The following MRTFB variants were observed in gnomAD, a reference collection of about 807,000 sequenced individuals.
The protein encoded by MRTFB is myocardin related transcription factor B, also known as myocardin-related transcription factor B.
MRTFB carries 29 observed loss-of-function variants against 104.2 expected under a neutral mutation model. That is an observed-to-expected ratio of 0.28 (90% confidence interval 0.21 to 0.38). The LOEUF (loss-of-function observed/expected upper bound fraction) is 0.38, where lower values mean the gene tolerates loss of function less well. MRTFB is among the 10% of genes least tolerant of loss of function. The probability of loss-of-function intolerance (pLI) is 1.00; values close to 1 mark genes in which losing one functional copy is unlikely to be tolerated. For missense variants in MRTFB, 1,270 were observed against 1,341.6 expected (o/e 0.95, Z 0.83); for synonymous variants, 535 against 519.5 (o/e 1.03, Z -0.41).
intron 3 of MRTFB, chr16:14,200,706 C>T (rs2040658011): frequency 6.5e-7 from 1 of 1,531,338 alleles, no homozygotes; most frequent in South Asian, 1.1e-5. Context: ...GAGAATGAAA[C>T]TGTGTCAGAG....
intron 2 of MRTFB, among the ~76,000 whole-genome samples, chr16:14,117,201 CT>C (rs1167839398): frequency 1.3e-4 from 20 of 152,330 alleles, no homozygotes; most frequent in Admixed American, 9.8e-4. Context: ...CTGCTGGAGG[CT>C]GCCTTAGAAT....
chr16:14,095,552 G>A (rs1216793355), intron 2 of MRTFB, among the ~76,000 whole-genome samples: 1 of 152,206 alleles, frequency 6.6e-6, no homozygotes, highest in African/African-American at 2.4e-5. Flanking sequence ...GCAATAATTG[G>A]CAGTGCAGGT....
At chr16:14,013,937 G>A in the MRTFB span, among the ~76,000 whole-genome samples, 3 of 152,198 alleles carry the variant, frequency 2.0e-5, no homozygotes, top group East Asian at 1.9e-4. Context: ...CACCTCCCAC[G>A]CCTGAACAAC....
chr16:13,997,792 CAAA>C, the MRTFB span, among the ~76,000 whole-genome samples: 6 of 90,726 alleles, frequency 6.6e-5, no homozygotes, highest in Admixed American at 2.8e-4. Context: ...GACCCTATCT[CAAA>C]AAAAAAAAAA....
chr16:14,111,843 AAC>A lies in MRTFB; in HGVS notation c.-63-28697_-63-28696del, dbSNP rs374697380. 3.6e-3 allele frequency among the ~76,000 whole-genome samples: 543 copies of A among 152,216 alleles called. 2 individuals carry two copies. The highest frequency in any genetic ancestry group is 0.012 in the African/African-American group (507 of 41,524). On this transcript the variant is annotated intron_variant, in intron 2 of 16. Transcript: ENST00000571589. Reference sequence around the variant, plus strand: ...GATGGCTTTGCTTCCAAATGCTGAAAACACAGAAGGAATGAGAAGAGAACATC... The same window carrying A: ...GATGGCTTTGCTTCCAAATGCTGAAAACAGAAGGAATGAGAAGAGAACATC...
chr16:14,062,736 A>G, the MRTFB span, among the ~76,000 whole-genome samples: 1 of 152,162 alleles, frequency 6.6e-6, no homozygotes, highest in African/African-American at 2.4e-5. Context: ...ACTTGAGGCT[A>G]AGCTTCTAGG....
chr16:14,174,125 C>G (rs1203928953), intron 3 of MRTFB, among the ~76,000 whole-genome samples: 1 of 151,882 alleles, frequency 6.6e-6, no homozygotes, highest in Admixed American at 6.6e-5. Flanking sequence ...GATGTATTCA[C>G]TATCATCAGT....
chr16:14,169,526 T>C (rs2039355570), intron 3 of MRTFB, among the ~76,000 whole-genome samples: 1 of 152,240 alleles, frequency 6.6e-6, no homozygotes, highest in South Asian at 2.1e-4. Context: ...ATTTGTCAAA[T>C]ACATGTTTTA....
rs1408320834 is a variant in MRTFB, at chr16:14,266,489, T to C, written c.*5045T>C. On this transcript the variant is annotated 3_prime_UTR_variant, in exon 17 of 17. Transcript: ENST00000571589. Reference sequence around the variant, plus strand: ...TTTAATCAACAAAAAATTATGGCAATCGGGGGTCCATTCATCTATTGCCTT... The same window carrying C: ...TTTAATCAACAAAAAATTATGGCAACCGGGGGTCCATTCATCTATTGCCTT... 1 of 152,192 alleles carries C rather than the reference T, an allele frequency of 6.6e-6. No individual in the cohort carries two copies. Among genetic ancestry groups the C allele is most frequent in the African/African-American group, 2.4e-5 (1 of 41,454 alleles). 9.4% of individuals were successfully genotyped at this position (152,192 alleles called of 1,614,324 possible). A position where few individuals can be genotyped will look rare whatever the true frequency, so the allele number is the denominator to read the frequency against.
At chr16:14,243,864 G>GTTTTTTTTTT (rs56296807) in intron 10 of MRTFB, among the ~76,000 whole-genome samples, 2 of 124,676 alleles carry the variant, frequency 1.6e-5, no homozygotes, top group African/African-American at 3.8e-5. Context: ...CCTGTTTTGG[G>GTTTTTTTTTT]TTTTTTTTTT....
chr16:14,200,319 G>T (rs566792680), intron 3 of MRTFB: 1 of 1,606,548 alleles, frequency 6.2e-7, no homozygotes, highest in Non-Finnish European at 8.5e-7. Context: ...CTGCTGCGCT[G>T]ACGTGGCTCC....
At chr16:14,064,684 C>A in the MRTFB span, among the ~76,000 whole-genome samples, 3 of 152,132 alleles carry the variant, frequency 2.0e-5, no homozygotes, top group East Asian at 5.8e-4. Context: ...TATGGCTAGC[C>A]AGTTATCATG....
rs745952458 is a variant in MRTFB, at chr16:14,247,328, G to A, written c.2068G>A (p.Glu690Lys). ...IKQEVPVGQAEQQSVVSQFYV... is the reference protein window; with the variant it reads ...IKQEVPVGQAKQQSVVSQFYV... Reference sequence around the variant, plus strand: ...GCAAGAGGTCCCTGTGGGCCAGGCAGAGCAGCAGAGTGTCGTCTCGCAGTT... The same window carrying A: ...GCAAGAGGTCCCTGTGGGCCAGGCAAAGCAGCAGAGTGTCGTCTCGCAGTT... The change falls in exon 12 of 17, where the codon GAG becomes AAG. Residue 690 changes from glutamate (E) to lysine (K), a missense_variant. Around this residue, in one of 3 missense-constraint regions of MRTFB, gnomAD observed 1,144 missense variants for 1,131.5 expected, o/e 1.01. Coordinates refer to ENST00000571589, the MANE Select transcript of MRTFB (RefSeq NM_001308142.2). 1.5e-5 allele frequency: 24 copies of A among 1,614,114 alleles called. No homozygotes were observed.
chr16:14,145,460 T>TCTTCC (rs902141276), intron 3 of MRTFB, among the ~76,000 whole-genome samples: 3 of 152,218 alleles, frequency 2.0e-5, no homozygotes, highest in African/African-American at 7.2e-5. Flanking sequence ...GATTCCAGGA[T>TCTTCC]CTTCCCTTGT....
At chr16:14,252,225 G>A (rs892667803) in intron 14 of MRTFB, 140 bp from the exon 15 acceptor site, 8 of 1,348,228 alleles carry the variant, frequency 5.9e-6, no homozygotes, top group African/African-American at 2.9e-5. Context: ...AGTGCTGTCA[G>A]CCTCACAGGT....
intron 2 of MRTFB, among the ~76,000 whole-genome samples, chr16:14,105,646 A>T (rs1235203538): frequency 6.6e-6 from 1 of 152,100 alleles, no homozygotes; most frequent in Non-Finnish European, 1.5e-5. Flanking sequence ...TGATCCTCTC[A>T]CCTCAGCCTC....
intron 2 of MRTFB, among the ~76,000 whole-genome samples, chr16:14,103,487 C>T (rs1003702190): frequency 2.0e-5 from 3 of 152,148 alleles, no homozygotes; most frequent in Admixed American, 6.5e-5. Flanking sequence ...CCTTAGTGCC[C>T]TTGACAGCCC....
chr16:14,253,597 A>G (rs1369098203), intron 15 of MRTFB, among the ~76,000 whole-genome samples: 5 of 152,094 alleles, frequency 3.3e-5, no homozygotes, highest in Admixed American at 1.3e-4. Context: ...CGCTTCCTTG[A>G]CCCACTTGGT....
At chr16:14,110,731 T>C (rs1321606608) in intron 2 of MRTFB, among the ~76,000 whole-genome samples, 1 of 152,174 alleles carries the variant, frequency 6.6e-6, no homozygotes, top group Non-Finnish European at 1.5e-5. Context: ...TTTCTCCTCC[T>C]CGCTGCTCCA....
Sources: allele counts gnomAD v4.1 joint callset (sites outside exome capture counted in the v4.1 genomes callset), GRCh38; gene constraint gnomAD v4.1.1; regional missense constraint gnomAD v4.1.1; transcripts MANE v1.5; gene names NCBI Gene and HGNC (gene_info 2026-07-23, HGNC 2026-07-21).